Variants in POMGNT1 observed in about 807,000 individuals in gnomAD.
POMGNT1 encodes protein O-linked mannose N-acetylglucosaminyltransferase 1 (beta 1,2-).
Under a neutral mutation model 95.6 loss-of-function variants are expected in POMGNT1, and 67 were observed. That is an observed-to-expected ratio of 0.70 (90% CI 0.58 to 0.86). The LOEUF is 0.86. Among genes scored for constraint, POMGNT1 ranks in the 40% least tolerant of loss-of-function variants. The pLI, the probability that POMGNT1 is intolerant of heterozygous loss-of-function variation, is 0.00. For synonymous variants in POMGNT1, 298 were observed against 317.9 expected (o/e 0.94, Z 0.66); for missense variants, 719 against 855.2 (o/e 0.84, Z 1.99).
chr1:46,206,160 T>G (rs1334612850), intron 1 of POMGNT1, among the ~76,000 whole-genome samples: 2 of 152,242 alleles, frequency 1.3e-5, no homozygotes, highest in African/African-American at 4.8e-5. Flanking sequence ...GAAAAAGCTT[T>G]AGGCAAGGAA....
chr1:46,193,159 A>G lies in POMGNT1; in HGVS notation c.1152+15T>C. The G allele has an allele frequency of 2.5e-6, 4 of 1,614,094 alleles. No homozygotes were observed. Among genetic ancestry groups the G allele is most frequent in the Non-Finnish European group, 2.5e-6 (3 of 1,180,016 alleles). Reference sequence around the variant, plus strand: ...CCCCCCTCCCAGGCCCAAGAGTTGTATCCTTAGTACTCACCGGAAACAGGT... The same window carrying G: ...CCCCCCTCCCAGGCCCAAGAGTTGTGTCCTTAGTACTCACCGGAAACAGGT... On this transcript the variant is annotated intron_variant, in intron 13 of 21. Coordinates refer to ENST00000371984, the MANE Select transcript of POMGNT1 (RefSeq NM_017739.4).
At chr1:46,200,715 C>G (rs911909691), upstream of POMGNT1, among the ~76,000 whole-genome samples, 1 of 152,252 alleles carries the variant, frequency 6.6e-6, no homozygotes, top group African/African-American at 2.4e-5. Flanking sequence ...TAGTCTAATT[C>G]TTCTTTGACC....
intron 14 of POMGNT1, 56 bp from the exon 15 acceptor site, chr1:46,192,646 CAG>C (rs1217609162): frequency 8.1e-6 from 13 of 1,608,136 alleles, no homozygotes; most frequent in Admixed American, 1.7e-5. Flanking sequence ...TCTAGTCACA[CAG>C]AGATGCTAGA....
chr1:46,194,264 C>A lies in POMGNT1; in HGVS notation c.879+10G>T, dbSNP rs1220377099. On this transcript the variant is annotated intron_variant, in intron 9 of 21. Transcript: ENST00000371984. ...GAGTCCAAACCTCACTGTCTTAAGGCCCCACTCACTGGGTCAGGGCTGAAC... is the reference window on the plus strand; with the variant it reads ...GAGTCCAAACCTCACTGTCTTAAGGACCCACTCACTGGGTCAGGGCTGAAC... The A allele has an allele frequency of 6.2e-7, 1 of 1,614,174 alleles. No individual in the cohort carries two copies. The highest frequency in any genetic ancestry group is 1.1e-5 in the South Asian group (1 of 91,076).
chr1:46,196,698 G>T lies in POMGNT1; in HGVS notation c.354+33C>A. 1 of 1,613,906 alleles carries T rather than the reference G, an allele frequency of 6.2e-7. No homozygotes were observed. On this transcript the variant is annotated intron_variant, in intron 4 of 21. Transcript: ENST00000371984. The surrounding 1 kb of genome is among the most constrained non-coding windows in gnomAD (Gnocchi z 4.4). ...AGTGGACCATGCCCTGAGCAGAATA[G>T]AGTGACTGTACACCAGACCCTGGCC...
At chr1:46,203,595 G>T in intron 1 of POMGNT1, 1 of 1,593,534 alleles carries the variant, frequency 6.3e-7, no homozygotes, top group Non-Finnish European at 8.5e-7. Flanking sequence ...CGACTTGGGG[G>T]ACAAGATCAT....
chr1:46,192,996 CTCTCCATCCTGTGA>C, intron 13 of POMGNT1, 38 bp from the exon 14 acceptor site: 1 of 1,612,538 alleles, frequency 6.2e-7, no homozygotes, highest in Non-Finnish European at 8.5e-7. Context: ...CCAAAGGGGT[CTCTCCATCCTGTGA>C]TCTCCTTTGC....
chr1:46,214,111 C>T (rs1483674431), intron 1 of POMGNT1, among the ~76,000 whole-genome samples: 1 of 151,868 alleles, frequency 6.6e-6, no homozygotes, highest in African/African-American at 2.4e-5. Flanking sequence ...TTTGGAAGGC[C>T]GAGGCTGGAT....
Position 46,196,441 on chromosome 1 carries a change from G to A in POMGNT1, c.354+290C>T, listed in dbSNP as rs539743946. ...TGCCCAGCACAAGGCTGAGGCCAAA[G>A]AAAGGACCAGGGGATGGTTATAAAA... On this transcript the variant is annotated intron_variant, in intron 4 of 21. Transcript: ENST00000371984. This position sits in a 1 kb window ranked among gnomAD's most constrained non-coding sequence, Gnocchi z 4.4. Among the ~76,000 whole-genome samples the A allele has an allele frequency of 1.3e-5, 2 of 152,352 alleles. No individual in the cohort carries two copies. The highest frequency in any genetic ancestry group is 4.1e-4 in the South Asian group (2 of 4,834).
At chr1:46,191,939 T>G in intron 17 of POMGNT1, 159 bp downstream of exon 17, 1 of 1,252,948 alleles carries the variant, frequency 8.0e-7, no homozygotes, top group Non-Finnish European at 1.1e-6. Flanking sequence ...CAGCCCTTTA[T>G]CCTCATTTTT....
At chr1:46,216,043 C>CTTTTTTT (rs141982741) in intron 1 of POMGNT1, among the ~76,000 whole-genome samples, 171 of 92,536 alleles carry the variant, frequency 1.8e-3, no homozygotes, top group Non-Finnish European at 2.2e-3. Context: ...TTTATTTTAT[C>CTTTTTTT]TTTTTTTTTT....
Position 46,188,914 on chromosome 1 carries a change from C to T in POMGNT1, c.*356G>A. 1 of 1,612,834 alleles carries T rather than the reference C, an allele frequency of 6.2e-7. No individual in the cohort carries two copies. Among genetic ancestry groups the T allele is most frequent in the Non-Finnish European group, 8.5e-7 (1 of 1,179,890 alleles). ...TCCAGCCCAAAAAGAAATCCAGGCC[C>T]TCCAGGTTCGGCCTGTTTTCAAGGC... is the stretch of plus-strand genomic sequence containing the variant. On this transcript the variant is annotated 3_prime_UTR_variant, in exon 22 of 22. Coordinates refer to ENST00000371984, the MANE Select transcript of POMGNT1 (RefSeq NM_017739.4).
chr1:46,208,459 C>T (rs1184185936), intron 1 of POMGNT1, among the ~76,000 whole-genome samples: 2 of 152,114 alleles, frequency 1.3e-5, no homozygotes, highest in South Asian at 2.1e-4. Context: ...AATTCCATCT[C>T]GAGGAAGGGC....
At chr1:46,202,683 C>T (rs1182501434), upstream of POMGNT1, among the ~76,000 whole-genome samples, 2 of 107,980 alleles carry the variant, frequency 1.9e-5, no homozygotes, top group African/African-American at 3.8e-5. Context: ...GGCGACAGAG[C>T]GAGACTCTGT....
upstream of POMGNT1, among the ~76,000 whole-genome samples, chr1:46,201,274 G>A (rs1029029530): frequency 5.3e-5 from 8 of 152,114 alleles, no homozygotes; most frequent in Non-Finnish European, 1.2e-4. Flanking sequence ...CACTTTGGGA[G>A]GCTAAGGTGG....
intron 17 of POMGNT1, 125 bp from the exon 18 acceptor site, chr1:46,190,909 T>A (rs1657715046): frequency 1.1e-6 from 1 of 877,982 alleles, no homozygotes; most frequent in African/African-American, 1.7e-5. Context: ...CCCTCTAATT[T>A]CCCACCGTCT....
chr1:46,200,908 G>T (rs752943495), upstream of POMGNT1, among the ~76,000 whole-genome samples: 2 of 152,130 alleles, frequency 1.3e-5, no homozygotes, highest in Non-Finnish European at 2.9e-5. Context: ...AGGCCAAGGC[G>T]GGTGGATCAC....
At chr1:46,204,041 C>A (rs750280242) in intron 1 of POMGNT1, among the ~76,000 whole-genome samples, 1 of 152,260 alleles carries the variant, frequency 6.6e-6, no homozygotes, top group East Asian at 1.9e-4. Context: ...GGTTTAAGTT[C>A]CTGTGAGGCC....
chr1:46,217,616 G>C (rs1381147123), intron 1 of POMGNT1, among the ~76,000 whole-genome samples: 1 of 152,148 alleles, frequency 6.6e-6, no homozygotes, highest in Admixed American at 6.5e-5. Flanking sequence ...CGGCACTTTG[G>C]AAGTCCAAGG....
Sources: allele counts gnomAD v4.1 joint callset (sites outside exome capture counted in the v4.1 genomes callset), GRCh38; gene constraint gnomAD v4.1.1; non-coding constraint Gnocchi (gnomAD v3.1); transcripts MANE v1.5; gene names NCBI Gene and HGNC (gene_info 2026-07-23, HGNC 2026-07-21).